Variants in C8orf34 observed in about 807,000 individuals in gnomAD.
C8orf34 encodes uncharacterized protein C8orf34.
C8orf34 carries 65 observed loss-of-function variants against 68.3 expected under a neutral mutation model. The observed-to-expected ratio is 0.95, with a 90% CI of 0.78 to 1.17. The LOEUF (loss-of-function observed/expected upper bound fraction) is 1.17, where lower values mean the gene tolerates loss of function less well. Among genes scored for constraint, C8orf34 ranks in the 50% most tolerant of loss-of-function variants. The probability of loss-of-function intolerance (pLI) is 0.00; values close to 1 mark genes in which losing one functional copy is unlikely to be tolerated. For missense variants in C8orf34, 664 were observed against 655.4 expected, an observed-to-expected ratio of 1.01 and a Z score of -0.14; for synonymous variants, 244 against 241.2, an observed-to-expected ratio of 1.01 and a Z score of -0.11.
chr8:68,614,172 G>A (rs1161892422), intron 7 of C8orf34, among the ~76,000 whole-genome samples: 1 of 151,960 alleles, frequency 6.6e-6, no homozygotes, highest in Admixed American at 6.6e-5. Flanking sequence ...TGAGTTCATT[G>A]TAGATTCTGG....
intron 1 of C8orf34, among the ~76,000 whole-genome samples, chr8:68,353,115 G>A (rs1801548370): frequency 1.3e-5 from 2 of 152,042 alleles, no homozygotes; most frequent in African/African-American, 4.8e-5. Context: ...CTAGACATAA[G>A]TAGGAAATGG....
chr8:68,486,984 C>A (rs1175128815), intron 4 of C8orf34, among the ~76,000 whole-genome samples: 1 of 152,174 alleles, frequency 6.6e-6, no homozygotes, highest in Non-Finnish European at 1.5e-5. Context: ...TGCTCCAGCG[C>A]CCTGCCACAG....
chr8:68,388,524 T>A (rs1808353932), intron 1 of C8orf34, among the ~76,000 whole-genome samples: 1 of 152,192 alleles, frequency 6.6e-6, no homozygotes, highest in South Asian at 2.1e-4. Context: ...TATGGACTTT[T>A]ATCTCCCCTT....
chr8:68,703,837 C>G (rs1420262555), intron 8 of C8orf34, among the ~76,000 whole-genome samples: 1 of 152,088 alleles, frequency 6.6e-6, no homozygotes, highest in Non-Finnish European at 1.5e-5. Context: ...CAAACAACCA[C>G]TCACACATAA....
intron 1 of C8orf34, among the ~76,000 whole-genome samples, chr8:68,358,716 T>TA (rs894784334): frequency 1.2e-4 from 19 of 152,058 alleles, no homozygotes; most frequent in East Asian, 3.9e-4. Flanking sequence ...TTTATTTATT[T>TA]TTTTTTTGAG....
At chr8:68,417,438 A>G (rs921960760) in intron 1 of C8orf34, among the ~76,000 whole-genome samples, 6 of 152,098 alleles carry the variant, frequency 3.9e-5, no homozygotes, top group African/African-American at 1.4e-4. Flanking sequence ...TACAGCACCC[A>G]GGAGAATATT....
In C8orf34 at chr8:68,637,186, T is replaced by C. The variant is rs556705116; in HGVS notation, c.1106-3190T>C. ...CTCTTGCCAACAGTTGAGATGGATCTGTATTCTATCTAGGGTAGAAGTAGT... is the reference window on the plus strand; with the variant it reads ...CTCTTGCCAACAGTTGAGATGGATCCGTATTCTATCTAGGGTAGAAGTAGT... On this transcript the variant is annotated intron_variant, in intron 7 of 13. Coordinates refer to ENST00000518698, the MANE Select transcript of C8orf34 (RefSeq NM_052958.4). Among the ~76,000 whole-genome samples, 5 of 152,332 alleles carry C rather than the reference T, an allele frequency of 3.3e-5. No homozygotes were observed. In the South Asian group the frequency reaches 1.0e-3, roughly 32 times the overall value.
intron 1 of C8orf34, among the ~76,000 whole-genome samples, chr8:68,388,159 A>G (rs1517129): frequency 0.12 from 18,139 of 152,214 alleles, 1,141 homozygotes; most frequent in African/African-American, 0.15. Flanking sequence ...CAGACATTCA[A>G]TTTACCGTTT....
intron 10 of C8orf34, among the ~76,000 whole-genome samples, chr8:68,737,290 CT>C (rs985743114): frequency 1.3e-5 from 2 of 152,020 alleles, no homozygotes; most frequent in East Asian, 3.9e-4. Context: ...TAATAGAAAC[CT>C]TTTTCCCAGG....
At chr8:68,736,816 G>A (rs552661452) in intron 10 of C8orf34, among the ~76,000 whole-genome samples, 218 of 152,140 alleles carry the variant, frequency 1.4e-3, no homozygotes, top group African/African-American at 4.2e-3. Context: ...TACTTCAAAC[G>A]TCACATTATA....
chr8:68,613,442 C>T (rs1413538007), intron 7 of C8orf34, among the ~76,000 whole-genome samples: 1 of 137,648 alleles, frequency 7.3e-6, no homozygotes, highest in Admixed American at 7.0e-5. Flanking sequence ...ATCCCTCCCC[C>T]TCCCCCCACA....
intron 5 of C8orf34, among the ~76,000 whole-genome samples, chr8:68,491,385 G>C (rs1470398626): frequency 6.6e-6 from 1 of 152,100 alleles, no homozygotes; most frequent in African/African-American, 2.4e-5. Flanking sequence ...CAGCTCTGTA[G>C]TTTCAAAGTT....
chr8:68,417,688 A>C (rs1304793157), intron 1 of C8orf34, among the ~76,000 whole-genome samples: 1 of 152,178 alleles, frequency 6.6e-6, no homozygotes, highest in African/African-American at 2.4e-5. Context: ...ACCTGGTCAA[A>C]ATAAAGAAAA....
intron 10 of C8orf34, among the ~76,000 whole-genome samples, chr8:68,749,712 G>A (rs1030032655): frequency 2.6e-5 from 4 of 152,076 alleles, no homozygotes; most frequent in Non-Finnish European, 4.4e-5. Context: ...GTTATTTTAG[G>A]TCTGGCCTCT....
At chr8:68,648,069 T>C (rs1007532891) in intron 8 of C8orf34, among the ~76,000 whole-genome samples, 3 of 152,204 alleles carry the variant, frequency 2.0e-5, no homozygotes, top group Non-Finnish European at 2.9e-5. Context: ...TAGGATATAG[T>C]AGTGGTTCTT....
intron 1 of C8orf34, among the ~76,000 whole-genome samples, chr8:68,384,976 A>T (rs776660087): frequency 2.0e-5 from 3 of 152,214 alleles, no homozygotes; most frequent in Non-Finnish European, 4.4e-5. Flanking sequence ...GATTAAGAAG[A>T]AGCTGAAAAC....
chr8:68,391,619 A>G (rs999338993), intron 1 of C8orf34, among the ~76,000 whole-genome samples: 1 of 152,212 alleles, frequency 6.6e-6, no homozygotes, highest in Non-Finnish European at 1.5e-5. Flanking sequence ...GAGTCCAGCA[A>G]GATACTGTCA....
intron 7 of C8orf34, among the ~76,000 whole-genome samples, chr8:68,571,305 C>A (rs943986641): frequency 9.9e-5 from 15 of 152,270 alleles, no homozygotes; most frequent in Admixed American, 3.3e-4. Flanking sequence ...TTTTTAAAAT[C>A]TCTGCTTAAT....
intron 8 of C8orf34, among the ~76,000 whole-genome samples, chr8:68,672,295 G>A (rs982328516): frequency 2.0e-5 from 3 of 152,116 alleles, no homozygotes; most frequent in Non-Finnish European, 2.9e-5. Flanking sequence ...ACACCTTCAT[G>A]AGAACTAAAA....
Sources: gnomAD v4.1 joint callset for allele counts (sites outside exome capture counted in the v4.1 genomes callset) on GRCh38, gnomAD v4.1.1 for gene constraint, MANE v1.5 for transcripts, NCBI Gene and HGNC (gene_info 2026-07-23, HGNC 2026-07-21) for gene names.